AOPEP: variants seen among roughly 807,000 people sequenced by gnomAD.
AOPEP encodes the protein aminopeptidase O.
In AOPEP, 77 loss-of-function variants were observed where a neutral mutation model predicts 98.1. That is an observed-to-expected ratio of 0.78 (90% CI 0.65 to 0.95). AOPEP has a LOEUF of 0.95. Ranked by LOEUF, AOPEP falls within the 40% of genes least tolerant of loss-of-function variation. The pLI is 0.00. For missense variants in AOPEP, 1,024 were observed against 1,024.7 expected (o/e 1.00, Z 0.01); for synonymous variants, 346 against 365.3 (o/e 0.95, Z 0.60).
chr9:95,121,997 A>G, the AOPEP span, among the ~76,000 whole-genome samples: 66 of 151,838 alleles, frequency 4.3e-4, no homozygotes, highest in South Asian at 3.1e-3. Context: ...AGCTGGGACT[A>G]TAAGCGCCCA....
At chr9:95,050,768 A>G (rs1175473954) in intron 13 of AOPEP, among the ~76,000 whole-genome samples, 2 of 152,236 alleles carry the variant, frequency 1.3e-5, no homozygotes, top group African/African-American at 4.8e-5. Context: ...GAAAATAAAG[A>G]ATATTAGAAA....
chr9:94,970,103 T>C (rs752735120), intron 10 of AOPEP, among the ~76,000 whole-genome samples: 2 of 152,204 alleles, frequency 1.3e-5, no homozygotes, highest in Non-Finnish European at 2.9e-5. Flanking sequence ...CTGTGTAAAC[T>C]TCTCTTTCAC....
chr9:95,119,654 G>A, the AOPEP span, among the ~76,000 whole-genome samples: 6 of 151,880 alleles, frequency 4.0e-5, no homozygotes, highest in South Asian at 2.1e-4. Context: ...ATGAGCCACC[G>A]TGCCTGGCCT....
At chr9:94,820,379 A>AT (rs1466573506) in intron 5 of AOPEP, among the ~76,000 whole-genome samples, 3 of 152,150 alleles carry the variant, frequency 2.0e-5, no homozygotes, top group Non-Finnish European at 4.4e-5. Context: ...GACGATACAT[A>AT]TTATTACTCT....
intron 1 of AOPEP, among the ~76,000 whole-genome samples, chr9:94,759,066 A>G (rs1039982094): frequency 2.0e-5 from 3 of 152,202 alleles, no homozygotes; most frequent in South Asian, 2.1e-4. Context: ...AACAATCTCA[A>G]AGGAATACTT....
intron 3 of AOPEP, among the ~76,000 whole-genome samples, chr9:94,778,175 G>C (rs1420499585): frequency 1.3e-5 from 2 of 152,142 alleles, no homozygotes; most frequent in Non-Finnish European, 2.9e-5. Context: ...GCCACAACTA[G>C]AACTCTCATA....
chr9:94,750,708 G>A (rs947811070), intron 1 of AOPEP, among the ~76,000 whole-genome samples: 2 of 151,804 alleles, frequency 1.3e-5, no homozygotes, highest in African/African-American at 4.8e-5. Flanking sequence ...CCTGCTGCTC[G>A]AGCTCATCTC....
chr9:95,147,605 G>A, the AOPEP span, among the ~76,000 whole-genome samples: 1 of 152,142 alleles, frequency 6.6e-6, no homozygotes, highest in Non-Finnish European at 1.5e-5. Context: ...GAGAAAGTGG[G>A]CTAAACTGTA....
At chr9:94,844,784 G>A (rs1380943677) in intron 5 of AOPEP, among the ~76,000 whole-genome samples, 3 of 152,182 alleles carry the variant, frequency 2.0e-5, no homozygotes, top group African/African-American at 4.8e-5. Flanking sequence ...GGGGCAGATG[G>A]TCTGTTCCTA....
chr9:94,919,870 T>TA (rs1288414526), intron 5 of AOPEP, among the ~76,000 whole-genome samples: 8 of 152,212 alleles, frequency 5.3e-5, no homozygotes, highest in African/African-American at 1.9e-4. Flanking sequence ...TCTCGGGTCT[T>TA]CCTTTGTCTC....
intron 14 of AOPEP, among the ~76,000 whole-genome samples, chr9:95,075,314 CT>C (rs1468769373): frequency 1.3e-5 from 2 of 152,166 alleles, no homozygotes; most frequent in African/African-American, 4.8e-5. Flanking sequence ...CATTTGATTA[CT>C]TTTGGCATAT....
intron 16 of AOPEP, chr9:95,083,076 C>A (rs1249307051): frequency 1.3e-5 from 3 of 223,610 alleles, no homozygotes; most frequent in Non-Finnish European, 2.7e-5. Context: ...GGAAGCCTGG[C>A]AGAAGCGCTG....
At chr9:95,055,845 A>G (rs2066768467) in intron 13 of AOPEP, among the ~76,000 whole-genome samples, 1 of 152,210 alleles carries the variant, frequency 6.6e-6, no homozygotes, top group Admixed American at 6.5e-5. Context: ...TCAGCCAGCA[A>G]GTCTCCAGCA....
At chr9:95,028,161 G>A (rs1253314117) in intron 13 of AOPEP, among the ~76,000 whole-genome samples, 1 of 152,218 alleles carries the variant, frequency 6.6e-6, no homozygotes, top group Non-Finnish European at 1.5e-5. Flanking sequence ...GGAAAATAGT[G>A]ACAGAGATGA....
At chr9:94,797,573 G>T (rs1330135411) in intron 4 of AOPEP, among the ~76,000 whole-genome samples, 1 of 152,072 alleles carries the variant, frequency 6.6e-6, no homozygotes, top group Admixed American at 6.5e-5. Flanking sequence ...TATATTTTAA[G>T]TATAATTAAC....
intron 5 of AOPEP, among the ~76,000 whole-genome samples, chr9:94,909,346 T>TAAAAAAAAAAAA (rs3052031): frequency 1.2e-5 from 1 of 82,032 alleles, no homozygotes; most frequent in African/African-American, 4.6e-5. Context: ...TTTGGAGCCT[T>TAAAAAAAAAAAA]AAAAAAAAAA....
In AOPEP at chr9:94,770,852, A is replaced by G. The variant is rs1377257881; in HGVS notation, c.798-2150A>G. 3.9e-5 allele frequency among the ~76,000 whole-genome samples: 6 copies of G among 152,100 alleles called. No individual in the cohort carries two copies. The East Asian group carries it at 1.2e-3, about 29-fold the overall frequency. On this transcript the variant is annotated intron_variant, in intron 2 of 16. Coordinates refer to ENST00000375315, the MANE Select transcript of AOPEP (RefSeq NM_001193329.3). The stretch of plus-strand genomic sequence containing the variant: ...GTCTGTTTGGGCACACAGATCTGGT[A>G]CAGTATGGAAGGGGACTACACAACG...
chr9:94,763,761 C>T (rs552148658), intron 2 of AOPEP, among the ~76,000 whole-genome samples: 16 of 152,248 alleles, frequency 1.1e-4, no homozygotes, highest in Admixed American at 7.8e-4. Flanking sequence ...AGGGGCCGTC[C>T]GAAAGAGCTC....
intron 1 of AOPEP, among the ~76,000 whole-genome samples, chr9:94,729,215 A>G (rs976853452): frequency 3.9e-5 from 6 of 152,216 alleles, no homozygotes; most frequent in African/African-American, 1.4e-4. Context: ...AGGATGAAAG[A>G]GCAAGAGACT....
Sources: gnomAD v4.1 joint callset for allele counts (sites outside exome capture counted in the v4.1 genomes callset) on GRCh38, gnomAD v4.1.1 for gene constraint, MANE v1.5 for transcripts, NCBI Gene and HGNC (gene_info 2026-07-23, HGNC 2026-07-21) for gene names.